FRMD4A: variants seen among roughly 807,000 people sequenced by gnomAD.
FRMD4A encodes FERM domain-containing protein 4A.
In FRMD4A, 29 loss-of-function variants were observed where a neutral mutation model predicts 129.1. That is an observed-to-expected ratio of 0.22 (90% confidence interval 0.17 to 0.31). The LOEUF (loss-of-function observed/expected upper bound fraction) is 0.31. Ranked by LOEUF, FRMD4A falls within the 10% of genes least tolerant of loss-of-function variation. The pLI is 1.00. For missense variants in FRMD4A, 1,272 were observed against 1,375.8 expected (o/e 0.92, Z 1.19); for synonymous variants, 634 against 571.6 (o/e 1.11, Z -1.56).
chr10:13,684,293 A>C (rs906807962), intron 15 of FRMD4A: 4 of 982,412 alleles, frequency 4.1e-6, no homozygotes, highest in Non-Finnish European at 4.8e-6. Context: ...ATTCCCATCC[A>C]AGCAGAGAGA....
chr10:14,168,967 G>A (rs113909533), intron 2 of FRMD4A, among the ~76,000 whole-genome samples: 2 of 145,074 alleles, frequency 1.4e-5, no homozygotes, highest in Non-Finnish European at 3.0e-5. Context: ...TTGAAGGGGG[G>A]TTGTTCTGAA....
chr10:13,714,032 A>ATATAAAATATATATTT lies in FRMD4A; in HGVS notation c.760-6920_760-6919insAAATATATATTTTATA, dbSNP rs1554858940. ...ATATACATATATAAAATATACATATATATATATATATATATATATATATAT... is the reference window on the plus strand; with the variant it reads ...ATATACATATATAAAATATACATATATATAAAATATATATTTTATATATATATATATATATATATAT... On this transcript the variant is annotated intron_variant, in intron 12 of 24. Transcript: ENST00000357447. 9.3e-4 allele frequency among the ~76,000 whole-genome samples: 31 copies of ATATAAAATATATATTT among 33,258 alleles called. 7 individuals are homozygous for ATATAAAATATATATTT. The highest frequency in any genetic ancestry group is 3.0e-3 in the African/African-American group (23 of 7,760). The allele number at this position is 33,258 out of a possible 152,430, so 21.8% of individuals were successfully genotyped here.
chr10:14,078,202 A>C (rs779744948), intron 2 of FRMD4A, among the ~76,000 whole-genome samples: 3 of 152,232 alleles, frequency 2.0e-5, no homozygotes, highest in Non-Finnish European at 4.4e-5. Flanking sequence ...TAGCTGGAAC[A>C]TGAATGAACC....
intron 17 of FRMD4A, chr10:13,667,513 G>A (rs539320634): frequency 3.9e-5 from 6 of 152,386 alleles, no homozygotes; most frequent in South Asian, 2.1e-4. Flanking sequence ...TGGACCTAGC[G>A]GATGACACCT....
chr10:13,686,860 C>T (rs967150094), intron 15 of FRMD4A, among the ~76,000 whole-genome samples: 5 of 152,180 alleles, frequency 3.3e-5, no homozygotes, highest in African/African-American at 4.8e-5. Flanking sequence ...CCCATTTATT[C>T]GTTTCAGTGG....
chr10:13,791,196 T>A (rs954620317), intron 5 of FRMD4A, among the ~76,000 whole-genome samples: 3 of 152,236 alleles, frequency 2.0e-5, no homozygotes, highest in African/African-American at 7.2e-5. Context: ...AGCAACATCT[T>A]CTTAGAGCAA....
At chr10:14,205,473 G>A (rs1842754625) in intron 2 of FRMD4A, among the ~76,000 whole-genome samples, 1 of 152,082 alleles carries the variant, frequency 6.6e-6, no homozygotes, top group Non-Finnish European at 1.5e-5. Flanking sequence ...CTGTGAAAGT[G>A]GACTAAGAAA....
In FRMD4A at chr10:13,657,258, G is replaced by T. The variant is rs1340709818; in HGVS notation, c.2331C>A (p.Ser777=). Residue 777 remains serine, a synonymous_variant, in exon 22 of 25, where the codon TCC becomes TCA. Transcript: ENST00000357447. ...NYSTLAEDSP[S]KARQRQRQRQ... ...GCTGCCTCTGCCTCTGGCGCGCCTT[G>T]GACGGCGAGTCCTCGGCCAGCGTGG... 1 of 1,598,150 alleles carries T rather than the reference G, an allele frequency of 6.3e-7. No homozygotes were observed. The highest frequency in any genetic ancestry group is 8.5e-7 in the Non-Finnish European group (1 of 1,175,692).
At chr10:13,984,550 A>C (rs1432533344) in intron 2 of FRMD4A, among the ~76,000 whole-genome samples, 1 of 151,914 alleles carries the variant, frequency 6.6e-6, no homozygotes, top group African/African-American at 2.4e-5. Flanking sequence ...TCCCCTCTCC[A>C]TCTTCTGGTA....
chr10:13,793,877 G>C (rs749864963), intron 5 of FRMD4A, among the ~76,000 whole-genome samples: 2 of 152,172 alleles, frequency 1.3e-5, no homozygotes, highest in Non-Finnish European at 2.9e-5. Flanking sequence ...CCTATATAGA[G>C]AATCTGCCTC....
chr10:13,671,949 C>CACAG (rs2083541933), intron 16 of FRMD4A, among the ~76,000 whole-genome samples: 1 of 152,264 alleles, frequency 6.6e-6, no homozygotes, highest in African/African-American at 2.4e-5. Context: ...CCATCATCTA[C>CACAG]ACAGAAAGCT....
At chr10:14,061,694 G>A (rs1834822321) in intron 2 of FRMD4A, among the ~76,000 whole-genome samples, 1 of 152,126 alleles carries the variant, frequency 6.6e-6, no homozygotes, top group Non-Finnish European at 1.5e-5. Context: ...GAGCTTATGG[G>A]AAACGTTGTC....
intron 3 of FRMD4A, among the ~76,000 whole-genome samples, chr10:13,843,563 T>C (rs993468008): frequency 6.6e-6 from 1 of 152,200 alleles, no homozygotes; most frequent in Non-Finnish European, 1.5e-5. Context: ...AGTGGCACGA[T>C]CTTGGCTCAC....
chr10:13,880,530 C>A (rs940817145), intron 2 of FRMD4A, among the ~76,000 whole-genome samples: 2 of 152,170 alleles, frequency 1.3e-5, no homozygotes, highest in African/African-American at 4.8e-5. Flanking sequence ...ACCAGGGGCT[C>A]CCCAGCTCCA....
intron 2 of FRMD4A, among the ~76,000 whole-genome samples, chr10:14,120,616 C>T (rs1838453525): frequency 6.6e-6 from 1 of 152,132 alleles, no homozygotes; most frequent in Admixed American, 6.5e-5. Context: ...GTGGCTGTTC[C>T]CCAAACCTTC....
intron 15 of FRMD4A, among the ~76,000 whole-genome samples, chr10:13,679,150 G>A (rs1382572699): frequency 2.0e-5 from 3 of 151,706 alleles, no homozygotes; most frequent in African/African-American, 4.8e-5. Context: ...ATGGCTGGGC[G>A]CGGTGGCTCA....
At chr10:13,929,718 G>A (rs2095172483) in intron 2 of FRMD4A, among the ~76,000 whole-genome samples, 1 of 152,192 alleles carries the variant, frequency 6.6e-6, no homozygotes, top group African/African-American at 2.4e-5. Context: ...ATAACTTTCA[G>A]TATTTCAGTT....
chr10:13,735,712 G>A (rs188848433), intron 12 of FRMD4A, among the ~76,000 whole-genome samples: 2 of 152,360 alleles, frequency 1.3e-5, no homozygotes, highest in Non-Finnish European at 1.5e-5. Context: ...AATTATCTCT[G>A]CTGTAGACCT....
rs565150508 is a variant in FRMD4A at position 13,769,498 on chromosome 10, C to T, written c.385-6818G>A. 1.6e-4 allele frequency among the ~76,000 whole-genome samples: 24 copies of T among 152,140 alleles called. 1 individual carries two copies. In the South Asian group the frequency reaches 4.8e-3, roughly 30 times the overall value. ...TAGCTTTTTGTATTTTTAATAGAGA[C>T]GAGGTTTCACCATGTTGCCCCGGGT... On this transcript the variant is annotated intron_variant, in intron 6 of 24. Coordinates refer to ENST00000357447, the MANE Select transcript of FRMD4A (RefSeq NM_018027.5).
Sources: gnomAD v4.1 joint callset for allele counts (sites outside exome capture counted in the v4.1 genomes callset) on GRCh38, gnomAD v4.1.1 for gene constraint, MANE v1.5 for transcripts, NCBI Gene and HGNC (gene_info 2026-07-23, HGNC 2026-07-21) for gene names.